EVA1C: variants seen among roughly 807,000 people sequenced by gnomAD.
EVA1C encodes eva-1 homolog C.
EVA1C carries 25 observed loss-of-function variants against 45.4 expected under a neutral mutation model. The observed-to-expected ratio is 0.55, with a 90% CI of 0.40 to 0.77. EVA1C has a LOEUF of 0.77. Ranked by LOEUF, EVA1C falls within the 30% of genes least tolerant of loss-of-function variation. The pLI is 0.00. For missense variants in EVA1C, 479 were observed against 554.8 expected (o/e 0.86, Z 1.37); for synonymous variants, 190 against 221.2 (o/e 0.86, Z 1.25).
At chr21:32,444,159 ATGTT>A (rs1195778766) in intron 1 of EVA1C, among the ~76,000 whole-genome samples, 5 of 152,100 alleles carry the variant, frequency 3.3e-5, no homozygotes, top group African/African-American at 1.2e-4. Flanking sequence ...TTGTGACCAA[ATGTT>A]TGGGGATTCC....
At chr21:32,460,937 G>C (rs181649502) in intron 3 of EVA1C, among the ~76,000 whole-genome samples, 119 of 152,224 alleles carry the variant, frequency 7.8e-4, no homozygotes, top group African/African-American at 2.8e-3. Flanking sequence ...GTAGAGACAG[G>C]GTTTCACCAT....
At chr21:32,464,756 AG>A (rs1176809873) in intron 3 of EVA1C, among the ~76,000 whole-genome samples, 2 of 152,162 alleles carry the variant, frequency 1.3e-5, no homozygotes, top group African/African-American at 4.8e-5. Flanking sequence ...TGGGAGGTGG[AG>A]GTTGCAGTGA....
intron 3 of EVA1C, among the ~76,000 whole-genome samples, chr21:32,460,989 G>C (rs1263252910): frequency 6.6e-6 from 1 of 152,186 alleles, no homozygotes; most frequent in South Asian, 2.1e-4. Context: ...CAAGTGATCT[G>C]CCCGCATTGG....
chr21:32,475,813 G>A (rs1023662522), intron 4 of EVA1C, among the ~76,000 whole-genome samples: 1 of 151,934 alleles, frequency 6.6e-6, no homozygotes, highest in Admixed American at 6.6e-5. Context: ...TAAATTCCCG[G>A]AAGTTTTATA....
chr21:32,422,996 G>A (rs1383076310), intron 1 of EVA1C, among the ~76,000 whole-genome samples: 3 of 149,092 alleles, frequency 2.0e-5, no homozygotes, highest in African/African-American at 5.0e-5. Flanking sequence ...GCTTGAACAT[G>A]GGAGGTGGAA....
At chr21:32,443,929 C>T (rs190357993) in intron 1 of EVA1C, among the ~76,000 whole-genome samples, 8 of 152,138 alleles carry the variant, frequency 5.3e-5, no homozygotes, top group African/African-American at 1.4e-4. Context: ...GGTGACCATA[C>T]GACCATCCAG....
intron 1 of EVA1C, among the ~76,000 whole-genome samples, chr21:32,414,566 C>G (rs771267060): frequency 1.3e-5 from 2 of 152,130 alleles, no homozygotes; most frequent in African/African-American, 2.4e-5. Flanking sequence ...GAAGCAGTTG[C>G]AATACTTGTA....
intron 1 of EVA1C, among the ~76,000 whole-genome samples, chr21:32,418,106 A>T (rs2034122776): frequency 6.6e-6 from 1 of 152,112 alleles, no homozygotes; most frequent in Non-Finnish European, 1.5e-5. Flanking sequence ...CGCAACACAG[A>T]CACCTGTGCA....
chr21:32,435,179 T>A (rs1373308358), intron 1 of EVA1C, among the ~76,000 whole-genome samples: 1 of 152,104 alleles, frequency 6.6e-6, no homozygotes, highest in Non-Finnish European at 1.5e-5. Flanking sequence ...TGAGGCCTTC[T>A]TTGTTGTCCC....
intron 1 of EVA1C, chr21:32,433,299 G>A (rs1422621737): frequency 1.3e-5 from 2 of 152,312 alleles, no homozygotes; most frequent in African/African-American, 4.8e-5. Flanking sequence ...TGCCTCCTGT[G>A]CGTATGTTGG....
chr21:32,466,291 T>A (rs8129434), intron 3 of EVA1C, among the ~76,000 whole-genome samples: 1 of 151,462 alleles, frequency 6.6e-6, no homozygotes, highest in African/African-American at 2.4e-5. Context: ...TGGTGGCGGG[T>A]GCCTGTAGTC....
chr21:32,412,258 C>G (rs1191057631), upstream of EVA1C: 2 of 152,286 alleles, frequency 1.3e-5, no homozygotes, highest in Admixed American at 1.3e-4. Context: ...TGCGATCCCA[C>G]GCCTCCAGGA....
intron 7 of EVA1C, among the ~76,000 whole-genome samples, chr21:32,506,049 G>C (rs771098644): frequency 2.0e-5 from 3 of 151,952 alleles, no homozygotes; most frequent in Non-Finnish European, 2.9e-5. Flanking sequence ...TCTGAATTTT[G>C]AGGGATGCAA....
chr21:32,426,500 CCT>C (rs375423563), intron 1 of EVA1C, among the ~76,000 whole-genome samples: 2 of 151,892 alleles, frequency 1.3e-5, no homozygotes, highest in Admixed American at 1.3e-4. Flanking sequence ...ATTCCCCCTA[CCT>C]CTCTCTCTCC....
At chr21:32,502,909 C>T (rs993626422) in intron 6 of EVA1C, among the ~76,000 whole-genome samples, 2 of 152,104 alleles carry the variant, frequency 1.3e-5, no homozygotes, top group East Asian at 1.9e-4. Context: ...GGATTACAGG[C>T]GTAAGACACC....
chr21:32,514,298 T>C (rs1601090564), intron 7 of EVA1C, among the ~76,000 whole-genome samples: 1 of 152,362 alleles, frequency 6.6e-6, no homozygotes, highest in East Asian at 1.9e-4. Flanking sequence ...TAGGTTCACA[T>C]ATATACTTCG....
intron 4 of EVA1C, among the ~76,000 whole-genome samples, chr21:32,468,523 TTAAG>T (rs2146305182): frequency 6.6e-6 from 1 of 151,924 alleles, no homozygotes; most frequent in East Asian, 1.9e-4. Flanking sequence ...GGGGAGTTTA[TTAAG>T]TATTAATTTA....
intron 1 of EVA1C, among the ~76,000 whole-genome samples, chr21:32,414,555 G>A (rs2033961797): frequency 6.6e-6 from 1 of 152,114 alleles, no homozygotes; most frequent in African/African-American, 2.4e-5. Context: ...GTTGCTTTAG[G>A]GAAGCAGTTG....
chr21:32,457,454 T>A, intron 2 of EVA1C, 143 bp from the exon 3 acceptor site: 1 of 863,306 alleles, frequency 1.2e-6, no homozygotes, highest in Non-Finnish European at 1.9e-6. Context: ...ATCACCCACG[T>A]CTATGCTCTT....
Sources: gnomAD v4.1 joint callset for allele counts (sites outside exome capture counted in the v4.1 genomes callset) on GRCh38, gnomAD v4.1.1 for gene constraint, MANE v1.5 for transcripts, NCBI Gene and HGNC (gene_info 2026-07-23, HGNC 2026-07-21) for gene names.